SMYD3: variants seen among roughly 807,000 people sequenced by gnomAD.
The protein encoded by SMYD3 is histone-lysine N-methyltransferase SMYD3.
In SMYD3, 36 loss-of-function variants were observed where a neutral mutation model predicts 57.7. That is an observed-to-expected ratio of 0.62 (90% CI 0.48 to 0.82). The LOEUF (loss-of-function observed/expected upper bound fraction) is 0.82. Ranked by LOEUF, SMYD3 falls within the 40% of genes least tolerant of loss-of-function variation. The pLI is 0.00. For missense variants in SMYD3, 515 were observed against 538.8 expected (o/e 0.96, Z 0.44); for synonymous variants, 211 against 195.0 (o/e 1.08, Z -0.68).
chr1:246,048,138 G>C (rs2060002929), intron 5 of SMYD3, among the ~76,000 whole-genome samples: 1 of 152,078 alleles, frequency 6.6e-6, no homozygotes, highest in African/African-American at 2.4e-5. Flanking sequence ...TCACAAAAAA[G>C]GAATTGCAAA....
intron 8 of SMYD3, among the ~76,000 whole-genome samples, chr1:245,880,207 A>C (rs1418029727): frequency 1.3e-5 from 2 of 152,260 alleles, no homozygotes; most frequent in Non-Finnish European, 2.9e-5. Context: ...AATCCTGCCA[A>C]TCTGAACTCA....
chr1:245,781,069 T>C (rs1019483326), intron 10 of SMYD3, among the ~76,000 whole-genome samples: 3 of 152,158 alleles, frequency 2.0e-5, no homozygotes, highest in Non-Finnish European at 2.9e-5. Flanking sequence ...TAAGCAGAAA[T>C]GTGGTTACCT....
chr1:246,379,045 T>C (rs2066342060), intron 1 of SMYD3, among the ~76,000 whole-genome samples: 1 of 137,620 alleles, frequency 7.3e-6, no homozygotes, highest in South Asian at 2.2e-4. Context: ...TTTATATATA[T>C]ATTATTAAGT....
At chr1:246,448,174 G>A (rs895870505) in intron 1 of SMYD3, among the ~76,000 whole-genome samples, 10 of 152,118 alleles carry the variant, frequency 6.6e-5, no homozygotes, top group African/African-American at 1.4e-4. Context: ...CCAAGATCGC[G>A]CCATTGCACT....
chr1:245,815,578 C>T (rs2048759691), intron 10 of SMYD3, among the ~76,000 whole-genome samples: 1 of 152,236 alleles, frequency 6.6e-6, no homozygotes, highest in Non-Finnish European at 1.5e-5. Flanking sequence ...AAGAAGTACA[C>T]AGATCCCAGT....
At chr1:245,894,670 C>G (rs145425915) in intron 8 of SMYD3, among the ~76,000 whole-genome samples, 159 of 152,294 alleles carry the variant, frequency 1.0e-3, no homozygotes, top group African/African-American at 3.6e-3. Context: ...GAGGAAGAAT[C>G]ACCTTATTGT....
intron 10 of SMYD3, among the ~76,000 whole-genome samples, chr1:245,778,092 G>C (rs10924334): frequency 0.064 from 9,689 of 152,212 alleles, 434 homozygotes; most frequent in Non-Finnish European, 0.098. Flanking sequence ...ATATAGTAAA[G>C]ATGATGAGTC....
chr1:246,329,238 T>C (rs2065416358), intron 4 of SMYD3, among the ~76,000 whole-genome samples: 1 of 152,176 alleles, frequency 6.6e-6, no homozygotes, highest in African/African-American at 2.4e-5. Context: ...ATGGTATTTC[T>C]AGTTCTAGAT....
intron 5 of SMYD3, among the ~76,000 whole-genome samples, chr1:246,215,133 G>A (rs1298068683): frequency 6.6e-6 from 1 of 152,108 alleles, no homozygotes; most frequent in Non-Finnish European, 1.5e-5. Context: ...GTTGCTGGCG[G>A]CTAGATATGC....
chr1:246,199,435 C>T (rs1011575292), intron 5 of SMYD3, among the ~76,000 whole-genome samples: 1 of 152,186 alleles, frequency 6.6e-6, no homozygotes, highest in Admixed American at 6.5e-5. Context: ...AATGCATCTG[C>T]TTGTGGAATT....
intron 1 of SMYD3, among the ~76,000 whole-genome samples, chr1:246,374,850 T>TG (rs74163439): frequency 0.25 from 37,943 of 151,726 alleles, 5,211 homozygotes; most frequent in East Asian, 0.5. Flanking sequence ...CCCAGCAGTT[T>TG]GGGGGGCCGA....
intron 11 of SMYD3, among the ~76,000 whole-genome samples, chr1:245,762,472 T>A (rs1035893524): frequency 6.6e-6 from 1 of 152,092 alleles, no homozygotes; most frequent in Non-Finnish European, 1.5e-5. Context: ...TTGATAAGGA[T>A]TTGCTGTACC....
chr1:246,320,514 A>G (rs971703557), intron 5 of SMYD3, among the ~76,000 whole-genome samples: 4 of 152,156 alleles, frequency 2.6e-5, no homozygotes, highest in Non-Finnish European at 4.4e-5. Flanking sequence ...AACACTAACA[A>G]TGGCATATGT....
At chr1:246,391,465 GGGAGAGAGGGAGAGAA>G (rs2066571456) in intron 1 of SMYD3, among the ~76,000 whole-genome samples, 1 of 150,908 alleles carries the variant, frequency 6.6e-6, no homozygotes, top group African/African-American at 2.4e-5. Context: ...AAAGGAGAGG[GGGAGAGAGGGAGAGAA>G]GGAGAGAGGA....
chr1:245,881,546 G>A (rs573932011), intron 8 of SMYD3, among the ~76,000 whole-genome samples: 30 of 152,236 alleles, frequency 2.0e-4, no homozygotes, highest in African/African-American at 7.2e-4. Flanking sequence ...GCAAATAACA[G>A]TATTTATTCA....
chr1:246,247,777 C>CA (rs1036852516), intron 5 of SMYD3, among the ~76,000 whole-genome samples: 7 of 151,948 alleles, frequency 4.6e-5, no homozygotes, highest in Non-Finnish European at 8.8e-5. Context: ...CTATTGCCTT[C>CA]AAAAAAATAA....
At chr1:245,859,967 T>C (rs2051448376) in intron 9 of SMYD3, among the ~76,000 whole-genome samples, 1 of 152,238 alleles carries the variant, frequency 6.6e-6, no homozygotes, top group Non-Finnish European at 1.5e-5. Context: ...GTTCATGATG[T>C]GTCCTCTCAT....
intron 5 of SMYD3, among the ~76,000 whole-genome samples, chr1:246,002,220 C>A (rs12734611): frequency 6.7e-6 from 1 of 148,596 alleles, no homozygotes; most frequent in Non-Finnish European, 1.5e-5. Flanking sequence ...AGTCTCGCTC[C>A]GTCACCCAGG....
At position 246,434,677 on chromosome 1, in the gene SMYD3, A is replaced by G. The variant is rs570449169; in HGVS notation, c.164+72377T>C. On this transcript the variant is annotated intron_variant, in intron 1 of 11. Coordinates refer to ENST00000490107, the MANE Select transcript of SMYD3 (RefSeq NM_001167740.2). ...GCTGGCGAGGCTGCAGAGAAAAGGG[A>G]ACGTTTATCCACTGTTAGTGGGAAT... is the stretch of plus-strand genomic sequence containing the variant. Among the ~76,000 whole-genome samples the G allele has an allele frequency of 3.9e-5, 6 of 152,338 alleles. No homozygotes were observed. In the East Asian group the frequency reaches 1.2e-3, roughly 29 times the overall value.
Sources: gnomAD v4.1 joint callset for allele counts (sites outside exome capture counted in the v4.1 genomes callset) on GRCh38, gnomAD v4.1.1 for gene constraint, MANE v1.5 for transcripts, NCBI Gene and HGNC (gene_info 2026-07-23, HGNC 2026-07-21) for gene names.